OR51B5: variants seen among roughly 807,000 people sequenced by gnomAD.
OR51B5 encodes olfactory receptor 51B5.
For missense variants in OR51B5, 456 were observed against 374.6 expected (o/e 1.22, Z -1.79); for synonymous variants, 186 against 144.8 (o/e 1.28, Z -2.04).
chr11:5,344,410 C>T (rs886931620), upstream of OR51B5, among the ~76,000 whole-genome samples: 1 of 152,150 alleles, frequency 6.6e-6, no homozygotes, highest in South Asian at 2.1e-4. Flanking sequence ...ATTTCAAGTT[C>T]TCCATTTATA....
chr11:5,375,141 G>C (rs918479149), intron 1 of OR51B5, among the ~76,000 whole-genome samples: 3 of 147,614 alleles, frequency 2.0e-5, no homozygotes, highest in African/African-American at 7.5e-5. Flanking sequence ...TCTCTTGGCA[G>C]AAACTCTACA....
At chr11:5,373,377 G>T (rs1849472690) in intron 1 of OR51B5, among the ~76,000 whole-genome samples, 1 of 152,132 alleles carries the variant, frequency 6.6e-6, no homozygotes, top group Admixed American at 6.5e-5. Context: ...AACAGCTCTG[G>T]TCTACAGCTC....
intron 1 of OR51B5, among the ~76,000 whole-genome samples, chr11:5,474,464 C>A (rs142592728): frequency 8.1e-5 from 12 of 148,434 alleles, no homozygotes; most frequent in African/African-American, 2.2e-4. Context: ...ATTTAATGAA[C>A]TGTTTTTTAA....
chr11:5,486,020 A>C (rs1026845893), intron 1 of OR51B5, among the ~76,000 whole-genome samples: 2 of 152,082 alleles, frequency 1.3e-5, no homozygotes, highest in Non-Finnish European at 2.9e-5. Context: ...AGGGAAGACC[A>C]ACTGAAGACA....
rs184988774 is a variant in OR51B5 at position 5,386,221 on chromosome 11, T to C, written n.85-39311A>G. Among the ~76,000 whole-genome samples the C allele has an allele frequency of 2.6e-4, 39 of 151,498 alleles. No homozygotes were observed. The East Asian group carries it at 6.8e-3, about 27-fold the overall frequency. On this transcript the variant is annotated intron_variant and non_coding_transcript_variant, in intron 1 of 4. Coordinates refer to the OR51B5 transcript ENST00000415970. ...AAACAAGAAAAGTATGTGTAGGGAA[T>C]TGAAGAAAAAAATGATATGGGTGTG...
chr11:5,413,375 G>A (rs965199495), intron 1 of OR51B5, among the ~76,000 whole-genome samples: 5 of 152,186 alleles, frequency 3.3e-5, no homozygotes, highest in African/African-American at 1.2e-4. Flanking sequence ...AAAAAGCAGA[G>A]CACCTCTCCT....
intron 1 of OR51B5, among the ~76,000 whole-genome samples, chr11:5,494,274 G>A (rs917802835): frequency 2.6e-5 from 4 of 152,172 alleles, no homozygotes; most frequent in African/African-American, 9.7e-5. Flanking sequence ...CATGGTTCCA[G>A]GCATTATTTT....
At chr11:5,459,059 T>C (rs1056859604) in intron 1 of OR51B5, among the ~76,000 whole-genome samples, 1 of 152,234 alleles carries the variant, frequency 6.6e-6, no homozygotes, top group East Asian at 1.9e-4. Flanking sequence ...TTCTAGCTTT[T>C]GCCCATTTAG....
rs10581803 is a variant in OR51B5, at chr11:5,355,762, TAAAA to T, written n.85-8856_85-8853del. Among the ~76,000 whole-genome samples the T allele has an allele frequency of 4.5e-3, 662 of 148,548 alleles. 4 individuals carry two copies. Among genetic ancestry groups the T allele is most frequent in the Middle Eastern group, 0.011 (3 of 284 alleles). On this transcript the variant is annotated intron_variant and non_coding_transcript_variant, in intron 1 of 4. Coordinates refer to the OR51B5 transcript ENST00000415970. ...ATTTCTAACAATTACCTTTAAAAATTAAAAAAAAAAAAAAGAGTAGGGTCAAGGG... is the reference window on the plus strand; with the variant it reads ...ATTTCTAACAATTACCTTTAAAAATTAAAAAAAAAAGAGTAGGGTCAAGGG...
In OR51B5 at chr11:5,424,946, C is replaced by A. The variant is rs374242182; in HGVS notation, n.85-78036G>T. ...GCAGTGAGCCGAGATCCCGCCACTG[C>A]ACTCCAGCCTGGGCGACAGAGTGAG... On this transcript the variant is annotated intron_variant and non_coding_transcript_variant, in intron 1 of 4. Coordinates refer to the OR51B5 transcript ENST00000415970. Among the ~76,000 whole-genome samples, 9 of 103,938 alleles carry A rather than the reference C, an allele frequency of 8.7e-5. No homozygotes were observed. The East Asian group carries it at 1.3e-3, about 15-fold the overall frequency. The allele number at this position is 103,938 out of a possible 152,430, so 68.2% of individuals were successfully genotyped here.
intron 1 of OR51B5, among the ~76,000 whole-genome samples, chr11:5,417,928 C>A (rs1247239446): frequency 3.6e-5 from 5 of 140,398 alleles, no homozygotes; most frequent in East Asian, 2.1e-4. Context: ...ACCCAAAGGA[C>A]TATAAATCAT....
intron 1 of OR51B5, among the ~76,000 whole-genome samples, chr11:5,439,234 A>G (rs2133774290): frequency 6.6e-6 from 1 of 152,262 alleles, no homozygotes; most frequent in African/African-American, 2.4e-5. Context: ...GGAAAGCACA[A>G]TATGGGATTA....
chr11:5,371,500 TA>T (rs1849447354), intron 1 of OR51B5, among the ~76,000 whole-genome samples: 1 of 151,982 alleles, frequency 6.6e-6, no homozygotes, highest in Non-Finnish European at 1.5e-5. Context: ...ATATTAAAAA[TA>T]GAGAAAAACA....
chr11:5,489,684 A>AT (rs1464343713), intron 1 of OR51B5: 1 of 1,548,210 alleles, frequency 6.5e-7, no homozygotes, highest in Middle Eastern at 1.7e-4. Context: ...GAAGTTGGAG[A>AT]TTTAAAAAAA....
rs1848913340 is a variant in OR51B5, at chr11:5,342,633, G to A, written c.892C>T (p.Gln298Ter). Reference sequence around the variant, plus strand: ...GTAAAAAGGTGAAGAATGGCATTCTGAATCTGCTTGGTCTTGACACTATAT... The same window carrying A: ...GTAAAAAGGTGAAGAATGGCATTCTAAATCTGCTTGGTCTTGACACTATAT... Residue 298 changes from glutamine (Q) to a stop codon, truncating the protein, a stop_gained, in exon 1 of 1, where the codon CAG (glutamine) becomes TAG (stop). Coordinates refer to ENST00000300773, the Ensembl canonical transcript of OR51B5. LOFTEE classifies it low-confidence loss of function (END_TRUNC). 6.2e-7 allele frequency: 1 copy of A among 1,606,762 alleles called. No homozygotes were observed. The highest frequency in any genetic ancestry group is 8.5e-7 in the Non-Finnish European group (1 of 1,177,450).
At chr11:5,440,061 C>A (rs1472920326) in intron 1 of OR51B5, among the ~76,000 whole-genome samples, 1 of 152,210 alleles carries the variant, frequency 6.6e-6, no homozygotes, top group African/African-American at 2.4e-5. Flanking sequence ...CTTCTCTCAT[C>A]CTTCACAAGC....
chr11:5,397,387 A>G (rs1286299061), intron 1 of OR51B5, among the ~76,000 whole-genome samples: 51 of 152,290 alleles, frequency 3.3e-4, no homozygotes, highest in Middle Eastern at 3.4e-3. Flanking sequence ...AAAAGTGGGC[A>G]AAGGATATGA....
chr11:5,450,836 T>C (rs769837648), intron 1 of OR51B5, among the ~76,000 whole-genome samples: 24 of 152,212 alleles, frequency 1.6e-4, no homozygotes, highest in Non-Finnish European at 2.9e-4. Context: ...TTTCTGTTCC[T>C]GTGTTAATTT....
At chr11:5,418,174 A>C (rs1850270524) in intron 1 of OR51B5, among the ~76,000 whole-genome samples, 1 of 151,934 alleles carries the variant, frequency 6.6e-6, no homozygotes, top group South Asian at 2.1e-4. Context: ...CAAACACCGC[A>C]TATTCTCACT....
Sources: allele counts gnomAD v4.1 joint callset (sites outside exome capture counted in the v4.1 genomes callset), GRCh38; gene constraint gnomAD v4.1.1; transcripts MANE v1.5; gene names NCBI Gene and HGNC (gene_info 2026-07-23, HGNC 2026-07-21).